Variants in NPAS1 observed in about 807,000 individuals in gnomAD.
NPAS1 encodes neuronal PAS domain protein 1, also known as neuronal PAS domain-containing protein 1.
In NPAS1, 29 loss-of-function variants were observed where a neutral mutation model predicts 49.2. The ratio of observed to expected loss-of-function variants is 0.59; its 90% CI spans 0.44 to 0.80. The LOEUF (loss-of-function observed/expected upper bound fraction) is 0.80, where lower values mean the gene tolerates loss of function less well. Ranked by LOEUF, NPAS1 falls within the 30% of genes least tolerant of loss-of-function variation. The pLI is 0.00. For synonymous variants in NPAS1, 408 were observed against 380.4 expected, an observed-to-expected ratio of 1.07 and a Z score of -0.84; for missense variants, 825 against 835.5, an observed-to-expected ratio of 0.99 and a Z score of 0.15.
At chr19:47,042,991 T>TG in intron 11 of NPAS1, 87 bp downstream of exon 11, 2 of 994,312 alleles carry the variant, frequency 2.0e-6, no homozygotes, top group Middle Eastern at 4.4e-4. Flanking sequence ...ACTAGCCACA[T>TG]GCAGCCATTT....
At chr19:47,022,408 G>A (rs2056847871) in intron 3 of NPAS1, among the ~76,000 whole-genome samples, 1 of 152,226 alleles carries the variant, frequency 6.6e-6, no homozygotes, top group African/African-American at 2.4e-5. Context: ...ACCCCGGGCA[G>A]GTCGCCTCAC....
chr19:47,020,049 ATGGGGGGC>A (rs933143322), intron 1 of NPAS1, 52 bp downstream of exon 1: 6 of 128,122 alleles, frequency 4.7e-5, no homozygotes, highest in Admixed American at 3.8e-4. Context: ...TCCCAGAGGA[ATGGGGGGC>A]TGGAACTCCA....
At position 47,038,985 on chromosome 19, in the gene NPAS1, T is replaced by A. The variant is rs750614084; in HGVS notation, c.689-51T>A. Reference sequence around the variant, plus strand: ...TGGCTCTGCAAGGGTCAGGGTGGCCTGTGTGTTTCCTCTTCAGGACCCCAT... The same window carrying A: ...TGGCTCTGCAAGGGTCAGGGTGGCCAGTGTGTTTCCTCTTCAGGACCCCAT... On this transcript the variant is annotated intron_variant, in intron 6 of 11. Transcript: ENST00000602212. 4 of 1,523,278 alleles carry A rather than the reference T, an allele frequency of 2.6e-6. No homozygotes were observed. The East Asian group carries it at 9.0e-5, about 34-fold the overall frequency. The allele number at this position is 1,523,278 out of a possible 1,614,324, so 94.4% of individuals were successfully genotyped here.
chr19:47,038,473 T>C (rs1014570802), intron 6 of NPAS1, among the ~76,000 whole-genome samples: 3 of 143,894 alleles, frequency 2.1e-5, no homozygotes, highest in African/African-American at 5.3e-5. Flanking sequence ...GCCGAGATCG[T>C]GCCACTGCAC....
intron 9 of NPAS1, 58 bp downstream of exon 9, chr19:47,040,608 A>C: frequency 1.6e-6 from 2 of 1,216,680 alleles, no homozygotes; most frequent in South Asian, 1.3e-5. Flanking sequence ...CGAGCATCCC[A>C]CTCCCTGGTC....
At position 47,021,258 on chromosome 19, in the gene NPAS1, A is replaced by T; in HGVS notation, c.122+89A>T. ...CTGTCCCCGTGCCAAGGGGCAGTTC[A>T]CACCCAGCTCCCTGACCCGCCCCTT... is the stretch of plus-strand genomic sequence containing the variant. On this transcript the variant is annotated intron_variant, in intron 2 of 11. Transcript: ENST00000602212. The surrounding 1 kb of genome is among the most constrained non-coding windows in gnomAD (Gnocchi z 5.7). The T allele has an allele frequency of 8.2e-7, 1 of 1,222,052 alleles. No homozygotes were observed. The highest frequency in any genetic ancestry group is 2.8e-5 in the Admixed American group (1 of 35,758). 75.7% of individuals were successfully genotyped at this position (1,222,052 alleles called of 1,614,324 possible).
chr19:47,026,705 A>G (rs1332575140), intron 3 of NPAS1, among the ~76,000 whole-genome samples: 1 of 152,152 alleles, frequency 6.6e-6, no homozygotes, highest in African/African-American at 2.4e-5. Flanking sequence ...CTGTAATCCC[A>G]GCACTTTGTG....
intron 3 of NPAS1, among the ~76,000 whole-genome samples, chr19:47,027,620 G>GTCTCTCTGCCCCTGGTCTCCCT (rs2056882349): frequency 2.9e-5 from 1 of 34,320 alleles, no homozygotes; most frequent in East Asian, 7.7e-4. Context: ...CTGGTCTCCC[G>GTCTCTCTGCCCCTGGTCTCCCT]TCTCTCTGCC....
At chr19:47,044,955 C>A (rs1454615659) in intron 11 of NPAS1, among the ~76,000 whole-genome samples, 1 of 152,052 alleles carries the variant, frequency 6.6e-6, no homozygotes. Flanking sequence ...GCTTGAACCC[C>A]AGAGGCGGAG....
chr19:47,035,218 GAA>G, intron 5 of NPAS1: 1 of 153,628 alleles, frequency 6.5e-6, no homozygotes, highest in Non-Finnish European at 1.4e-5. Flanking sequence ...AGAAGAAGAA[GAA>G]GGAAAGGCTT....
At chr19:47,028,281 G>T (rs542765823) in intron 3 of NPAS1, among the ~76,000 whole-genome samples, 8 of 152,044 alleles carry the variant, frequency 5.3e-5, no homozygotes, top group Non-Finnish European at 1.2e-4. Context: ...GAGGGAGGGG[G>T]TCCCCGTCAA....
chr19:47,045,774 G>C lies in NPAS1; in HGVS notation c.*123G>C, dbSNP rs1023945104. The C allele has an allele frequency of 9.4e-7, 1 of 1,058,920 alleles. No individual in the cohort carries two copies. The highest frequency in any genetic ancestry group is 1.8e-5 in the South Asian group (1 of 56,644). 65.6% of individuals were successfully genotyped at this position (1,058,920 alleles called of 1,614,324 possible). A position where few individuals can be genotyped will look rare whatever the true frequency, so the allele number is the denominator to read the frequency against. On this transcript the variant is annotated 3_prime_UTR_variant, in exon 12 of 12. Coordinates refer to ENST00000602212, the MANE Select transcript of NPAS1 (RefSeq NM_002517.4). ...CTCTCCCTGCAGTGGTTTGGGCTCC[G>C]GGCTGTGAGCTCCTCTGTCCATTTC... is the stretch of plus-strand genomic sequence containing the variant.
rs780072285 is a variant in NPAS1, at chr19:47,045,220, G to A, written c.1342G>A (p.Ala448Thr). The change falls in exon 12 of 12, where the codon GCT (alanine) becomes ACT (threonine). Residue 448 changes from alanine to threonine, a missense_variant. Physicochemically the swap from Ala to Thr is moderately conservative, Grantham distance 58. Coordinates refer to ENST00000602212, the MANE Select transcript of NPAS1 (RefSeq NM_002517.4). ...GGAGCCTCCGACGGAAGGGAAGCAG[G>A]CTGCCCCAGCGGAGAACGAGGCCCC... Reference protein sequence around the residue: ...EPEPPTEGKQAAPAENEAPQT... With the variant: ...EPEPPTEGKQTAPAENEAPQT... The A allele has an allele frequency of 1.2e-5, 19 of 1,613,802 alleles. No individual in the cohort carries two copies. Among genetic ancestry groups the A allele is most frequent in the Middle Eastern group, 1.6e-4 (1 of 6,062 alleles).
intron 3 of NPAS1, among the ~76,000 whole-genome samples, chr19:47,029,192 C>T (rs1326891724): frequency 1.3e-5 from 2 of 151,740 alleles, no homozygotes; most frequent in African/African-American, 4.8e-5. Flanking sequence ...AGTGATTCTC[C>T]TGCCTCAGCC....
rs1306834571 is a variant in NPAS1, at chr19:47,021,597, G to A, written c.123-15G>A. ...CCGGGGCCCCGCCGACACCTCCTCC[G>A]CGCCGCCCGCCCAGCCTGCAGGCGC... On this transcript the variant is annotated splice_polypyrimidine_tract_variant and intron_variant, in intron 2 of 11. Transcript: ENST00000602212. The surrounding 1 kb of genome is among the most constrained non-coding windows in gnomAD (Gnocchi z 5.7). The A allele has an allele frequency of 2.9e-5, 42 of 1,459,932 alleles. No individual in the cohort carries two copies. The highest frequency in any genetic ancestry group is 3.8e-5 in the Non-Finnish European group (42 of 1,106,678). 90.4% of individuals were successfully genotyped at this position (1,459,932 alleles called of 1,614,324 possible).
At chr19:47,038,332 C>G (rs1437407919) in intron 6 of NPAS1, among the ~76,000 whole-genome samples, 1 of 152,182 alleles carries the variant, frequency 6.6e-6, no homozygotes, top group Non-Finnish European at 1.5e-5. Context: ...TCCTGGCCAA[C>G]ATGGCGATAC....
At position 47,042,863 on chromosome 19, in the gene NPAS1, T is replaced by C; in HGVS notation, c.1271T>C (p.Val424Ala). The C allele has an allele frequency of 6.2e-7, 1 of 1,606,216 alleles. No individual in the cohort carries two copies. Among genetic ancestry groups the C allele is most frequent in the Non-Finnish European group, 8.5e-7 (1 of 1,176,592 alleles). The change falls in exon 11 of 12, where the codon GTG becomes GCG. Residue 424 changes from valine to alanine, a missense_variant. By Grantham distance (64) the Val-to-Ala change is moderately conservative (BLOSUM62 0). Transcript: ENST00000602212. Reference sequence around the variant, plus strand: ...GATGCCTTCCAGCTTCCAGCCAGCGTGGCCTGTGAGGAGGCATCCAGCCCG... The same window carrying C: ...GATGCCTTCCAGCTTCCAGCCAGCGCGGCCTGTGAGGAGGCATCCAGCCCG... ...PLDAFQLPASVACEEASSPGP... is the reference protein window; with the variant it reads ...PLDAFQLPASAACEEASSPGP...
In NPAS1 at chr19:47,045,705, C is replaced by G; in HGVS notation, c.*54C>G. The G allele has an allele frequency of 7.5e-7, 1 of 1,335,594 alleles. No individual in the cohort carries two copies. The highest frequency in any genetic ancestry group is 1.6e-5 in the African/African-American group (1 of 64,460). 82.7% of individuals were successfully genotyped at this position (1,335,594 alleles called of 1,614,324 possible). A position where few individuals can be genotyped will look rare whatever the true frequency, so the allele number is the denominator to read the frequency against. On this transcript the variant is annotated 3_prime_UTR_variant, in exon 12 of 12. Coordinates refer to ENST00000602212, the MANE Select transcript of NPAS1 (RefSeq NM_002517.4). ...CTGCGACAACCGGGGTCCCCCAGGACAGTAGGCCCGGCTCTGCCCGTAGCC... is the reference window on the plus strand; with the variant it reads ...CTGCGACAACCGGGGTCCCCCAGGAGAGTAGGCCCGGCTCTGCCCGTAGCC...
At position 47,021,690 on chromosome 19, in the gene NPAS1, G is replaced by A; in HGVS notation, c.201G>A (p.Glu67=). The change falls in exon 3 of 12, where the codon GAG becomes GAA. Residue 67 remains glutamate, a synonymous_variant. Coordinates refer to ENST00000602212, the MANE Select transcript of NPAS1 (RefSeq NM_002517.4). The surrounding 1 kb of genome is among the most constrained non-coding windows in gnomAD (Gnocchi z 5.7). ...RRGKENLEFF[E]LAKLLPLPGA... ...GGAAGGAGAACCTGGAGTTCTTCGA[G>A]CTGGCCAAGCTTCTCCCGCTGCCCG... 1 of 1,561,406 alleles carries A rather than the reference G, an allele frequency of 6.4e-7. No homozygotes were observed. The highest frequency in any genetic ancestry group is 8.7e-7 in the Non-Finnish European group (1 of 1,154,848).
Sources: gnomAD v4.1 joint callset for allele counts (sites outside exome capture counted in the v4.1 genomes callset) on GRCh38, gnomAD v4.1.1 for gene constraint, Gnocchi (gnomAD v3.1) non-coding constraint, MANE v1.5 for transcripts, NCBI Gene and HGNC (gene_info 2026-07-23, HGNC 2026-07-21) for gene names.